PRUNE2: variants seen among roughly 807,000 people sequenced by gnomAD.
The protein encoded by PRUNE2 is protein prune homolog 2.
Under a neutral mutation model 252.0 loss-of-function variants are expected in PRUNE2, and 164 were observed. The observed-to-expected ratio is 0.65, with a 90% CI of 0.57 to 0.74. The LOEUF (loss-of-function observed/expected upper bound fraction) is 0.74. PRUNE2 is among the 30% of genes least tolerant of loss of function. PRUNE2 has a pLI of 0.00. For synonymous variants in PRUNE2, 1,292 were observed against 1,350.2 expected, an observed-to-expected ratio of 0.96 and a Z score of 0.94; for missense variants, 3,495 against 3,711.0, an observed-to-expected ratio of 0.94 and a Z score of 1.51.
chr9:76,851,834 T>TAG (rs10677335), intron 2 of PRUNE2, among the ~76,000 whole-genome samples: 12,135 of 152,198 alleles, frequency 0.08, 588 homozygotes, highest in East Asian at 0.15. Context: ...TAGAGAATTG[T>TAG]AGTCACAATA....
At position 76,707,260 on chromosome 9, in the gene PRUNE2, T is replaced by A; in HGVS notation, c.5014A>T (p.Thr1672Ser). 1 of 1,613,996 alleles carries A rather than the reference T, an allele frequency of 6.2e-7. No individual in the cohort carries two copies. The highest frequency in any genetic ancestry group is 8.5e-7 in the Non-Finnish European group (1 of 1,179,884). ...QEKNEHDISA[T>S]VQPEDARVIS... is the part of the protein sequence containing the mutation. Reference sequence around the variant, plus strand: ...ACCCTGGCATCCTCTGGCTGCACAGTTGCAGAAATGTCATGTTCATTTTTC... The same window carrying A: ...ACCCTGGCATCCTCTGGCTGCACAGATGCAGAAATGTCATGTTCATTTTTC... Residue 1672 changes from threonine to serine, a missense_variant, in exon 8 of 19, where the codon ACT becomes TCT. Coordinates refer to ENST00000376718, the MANE Select transcript of PRUNE2 (RefSeq NM_015225.3).
intron 6 of PRUNE2, among the ~76,000 whole-genome samples, chr9:76,803,584 A>T (rs2056718147): frequency 6.6e-6 from 1 of 152,186 alleles, no homozygotes; most frequent in African/African-American, 2.4e-5. Context: ...CCCGTGTCGT[A>T]GTCAAAACTG....
chr9:76,731,955 G>A (rs1298557243), intron 6 of PRUNE2, among the ~76,000 whole-genome samples: 1 of 152,092 alleles, frequency 6.6e-6, no homozygotes, highest in East Asian at 1.9e-4. Context: ...AGACACCCCC[G>A]CTGCTCCCAC....
At chr9:76,887,596 C>T (rs2062179842) in intron 1 of PRUNE2, among the ~76,000 whole-genome samples, 1 of 152,208 alleles carries the variant, frequency 6.6e-6, no homozygotes, top group Admixed American at 6.5e-5. Context: ...AACTTGCTTG[C>T]TGTGGCTGAT....
chr9:76,825,150 T>C (rs1486450114), intron 5 of PRUNE2, among the ~76,000 whole-genome samples: 1 of 152,166 alleles, frequency 6.6e-6, no homozygotes, highest in Non-Finnish European at 1.5e-5. Flanking sequence ...GCCCCCTGGG[T>C]CTGAGTAGCC....
At chr9:76,868,852 G>C (rs1392491944) in intron 1 of PRUNE2, 1 of 138,352 alleles carries the variant, frequency 7.2e-6, no homozygotes, top group Non-Finnish European at 1.6e-5. Flanking sequence ...GGGGGGGCGG[G>C]GGGGAAGGAA....
chr9:76,705,757 A>G lies in PRUNE2; in HGVS notation c.6517T>C (p.Tyr2173His). ...GAGGAGCCCTTTATGTCTGCTTGAT[A>G]GCCAATTGGAGGCAGCACAGTTGCG... ...ENATVLPPIG[Y>H]QADIKGSSQP... is the part of the protein sequence containing the mutation. The change falls in exon 8 of 19, where the codon TAT (tyrosine) becomes CAT (histidine). Residue 2173 changes from tyrosine (Y) to histidine (H), a missense_variant. Coordinates refer to ENST00000376718, the MANE Select transcript of PRUNE2 (RefSeq NM_015225.3). 1 of 1,614,010 alleles carries G rather than the reference A, an allele frequency of 6.2e-7. No individual in the cohort carries two copies. The highest frequency in any genetic ancestry group is 1.1e-5 in the South Asian group (1 of 91,088).
In PRUNE2 at chr9:76,708,998, G is replaced by A. The variant is rs759113244; in HGVS notation, c.3276C>T (p.Asn1092=). 136 of 1,613,866 alleles carry A rather than the reference G, an allele frequency of 8.4e-5. No individual in the cohort carries two copies. The highest frequency in any genetic ancestry group is 7.5e-5 in the Non-Finnish European group (88 of 1,179,902). Residue 1092 remains asparagine, a synonymous_variant, in exon 8 of 19, where the codon AAC becomes AAT. Transcript: ENST00000376718. ...TGCTGTGCAAAAGTGTGAGTTGTCG[G>A]TTTGTTTCATTGTACAGTTGCATCA... ...PSMMQLYNET[N]RQLTLLHSST...
intron 9 of PRUNE2, among the ~76,000 whole-genome samples, chr9:76,684,597 C>T (rs1471189133): frequency 2.6e-5 from 4 of 152,150 alleles, no homozygotes; most frequent in Non-Finnish European, 5.9e-5. Flanking sequence ...AGATATCCAG[C>T]GTAAAGCTGA....
intron 15 of PRUNE2, among the ~76,000 whole-genome samples, chr9:76,632,746 A>G (rs1838259641): frequency 6.6e-6 from 1 of 152,064 alleles, no homozygotes; most frequent in Admixed American, 6.6e-5. Flanking sequence ...AATTTTCCAG[A>G]GTCAGGATCT....
chr9:76,732,347 T>C (rs371600770), intron 6 of PRUNE2, among the ~76,000 whole-genome samples: 6 of 152,228 alleles, frequency 3.9e-5, no homozygotes, highest in Middle Eastern at 3.4e-3. Flanking sequence ...AAAAGAAAAT[T>C]ACACTTAAGA....
intron 6 of PRUNE2, among the ~76,000 whole-genome samples, chr9:76,756,340 G>A (rs895505433): frequency 1.3e-5 from 2 of 152,214 alleles, no homozygotes; most frequent in Admixed American, 6.5e-5. Context: ...GATCACTTAC[G>A]GCACCCAGGA....
At chr9:76,823,804 G>T in intron 5 of PRUNE2, 78 bp from the exon 6 acceptor site, 1 of 816,182 alleles carries the variant, frequency 1.2e-6, no homozygotes, top group Non-Finnish European at 2.0e-6. Flanking sequence ...ATGTTTTGAA[G>T]AATTTACTCT....
At chr9:76,627,594 C>A (rs975793101) in intron 16 of PRUNE2, among the ~76,000 whole-genome samples, 1 of 152,126 alleles carries the variant, frequency 6.6e-6, no homozygotes, top group African/African-American at 2.4e-5. Flanking sequence ...CAGCTGACCA[C>A]CGGAAGCCCA....
chr9:76,642,261 G>A (rs940260997), intron 12 of PRUNE2, among the ~76,000 whole-genome samples: 1 of 152,172 alleles, frequency 6.6e-6, no homozygotes, highest in Non-Finnish European at 1.5e-5. Context: ...TCATTTGGCT[G>A]ATGATGTCAT....
At position 76,638,193 on chromosome 9, in the gene PRUNE2, GATTTT is replaced by G; in HGVS notation, c.8819_8823del (p.Glu2940AlafsTer15). On this transcript the variant is annotated frameshift_variant, in exon 13 of 19. Transcript: ENST00000376718. LOFTEE classifies it high-confidence loss of function. ...GTCATAAGTATCACTCACAGGAAAA[GATTTT>G]CCATGACATAGTGGTAATCCGCCCG... is the stretch of plus-strand genomic sequence containing the variant. 2 of 1,608,986 alleles carry G rather than the reference GATTTT, an allele frequency of 1.2e-6. No individual in the cohort carries two copies. Among genetic ancestry groups the G allele is most frequent in the Non-Finnish European group, 1.7e-6 (2 of 1,175,534 alleles).
intron 12 of PRUNE2, among the ~76,000 whole-genome samples, chr9:76,638,997 T>A (rs894259934): frequency 6.6e-6 from 1 of 152,150 alleles, no homozygotes; most frequent in African/African-American, 2.4e-5. Flanking sequence ...AACTGACACA[T>A]TGGGCTCTGG....
At chr9:76,693,884 C>T (rs1187113272) in intron 9 of PRUNE2, among the ~76,000 whole-genome samples, 3 of 152,150 alleles carry the variant, frequency 2.0e-5, no homozygotes, top group African/African-American at 7.2e-5. Context: ...TATCTTTCAG[C>T]TATGAAGGAG....
intron 4 of PRUNE2, 120 bp downstream of exon 4, chr9:76,846,395 C>T: frequency 1.3e-6 from 1 of 751,906 alleles, no homozygotes; most frequent in Non-Finnish European, 2.1e-6. Context: ...TCTGATGAAG[C>T]TTCCCGTGGT....
Sources: allele counts gnomAD v4.1 joint callset (sites outside exome capture counted in the v4.1 genomes callset), GRCh38; gene constraint gnomAD v4.1.1; transcripts MANE v1.5; gene names NCBI Gene and HGNC (gene_info 2026-07-23, HGNC 2026-07-21).